The following PIP5K1B variants were observed in gnomAD, a reference collection of about 807,000 sequenced individuals.
PIP5K1B encodes phosphatidylinositol 4-phosphate 5-kinase type-1 beta.
In PIP5K1B, 42 loss-of-function variants were observed where a neutral mutation model predicts 67.0. That is an observed-to-expected ratio of 0.63 (90% CI 0.49 to 0.81). The LOEUF is 0.81. Among genes scored for constraint, PIP5K1B ranks in the 30% least tolerant of loss-of-function variants. The pLI is 0.00. For missense variants in PIP5K1B, 459 were observed against 646.3 expected, an observed-to-expected ratio of 0.71 and a Z score of 3.14; for synonymous variants, 214 against 231.4, an observed-to-expected ratio of 0.92 and a Z score of 0.68.
At chr9:68,718,009 G>C (rs1048026773) in intron 1 of PIP5K1B, among the ~76,000 whole-genome samples, 21 of 152,186 alleles carry the variant, frequency 1.4e-4, no homozygotes, top group African/African-American at 4.3e-4. Context: ...TAGAAAGCAT[G>C]AGTGCAATCT....
At chr9:68,845,460 G>A (rs535359025) in intron 4 of PIP5K1B, among the ~76,000 whole-genome samples, 69 of 152,238 alleles carry the variant, frequency 4.5e-4, no homozygotes, top group African/African-American at 1.5e-3. Flanking sequence ...CATCTCTTCC[G>A]AAGACCTTAG....
At chr9:68,819,465 T>G (rs2152651) in intron 3 of PIP5K1B, among the ~76,000 whole-genome samples, 110,811 of 151,888 alleles carry the variant, frequency 0.73, 40,769 homozygotes, top group Admixed American at 0.81. Flanking sequence ...TAGAGATGAG[T>G]TCTCACTGTT....
intron 1 of PIP5K1B, among the ~76,000 whole-genome samples, chr9:68,707,107 G>C (rs1827161553): frequency 6.6e-6 from 1 of 152,148 alleles, no homozygotes; most frequent in Non-Finnish European, 1.5e-5. Context: ...TGTGATCTCT[G>C]AGCGGAGGGA....
At chr9:68,763,815 A>G (rs141277471) in intron 2 of PIP5K1B, among the ~76,000 whole-genome samples, 1 of 152,090 alleles carries the variant, frequency 6.6e-6, no homozygotes, top group Non-Finnish European at 1.5e-5. Flanking sequence ...TTTCCTTCCT[A>G]TGAATTGGTA....
At chr9:68,875,222 C>T (rs552299104) in intron 5 of PIP5K1B, among the ~76,000 whole-genome samples, 1 of 136,036 alleles carries the variant, frequency 7.4e-6, no homozygotes, top group Non-Finnish European at 1.5e-5. Context: ...TAATCCTAGC[C>T]TTTCAAGATA....
intron 13 of PIP5K1B, chr9:68,935,792 G>A (rs1237891986): frequency 6.6e-6 from 1 of 152,146 alleles, no homozygotes; most frequent in Admixed American, 6.6e-5. Context: ...TAATACTCAG[G>A]AGGTACTACA....
intron 1 of PIP5K1B, among the ~76,000 whole-genome samples, chr9:68,734,278 G>C (rs1828616226): frequency 6.6e-6 from 1 of 152,168 alleles, no homozygotes; most frequent in Non-Finnish European, 1.5e-5. Context: ...GTGTTGTTGA[G>C]GAAATACGCA....
chr9:68,961,994 T>C (rs1828774814), intron 14 of PIP5K1B, among the ~76,000 whole-genome samples: 1 of 152,226 alleles, frequency 6.6e-6, no homozygotes. Context: ...CCAATGCTTC[T>C]AATTCTTCAG....
chr9:68,732,351 T>C (rs1309559574), intron 1 of PIP5K1B, among the ~76,000 whole-genome samples: 1 of 152,184 alleles, frequency 6.6e-6, no homozygotes, highest in Non-Finnish European at 1.5e-5. Flanking sequence ...ACATGGATCT[T>C]TTTTGTTGTT....
At chr9:68,916,449 A>G (rs1484141345) in intron 8 of PIP5K1B, among the ~76,000 whole-genome samples, 1 of 152,142 alleles carries the variant, frequency 6.6e-6, no homozygotes. Context: ...GTCTGGCTGC[A>G]TCCAACTATT....
chr9:68,837,804 C>T (rs986575308), intron 4 of PIP5K1B, among the ~76,000 whole-genome samples: 3 of 151,500 alleles, frequency 2.0e-5, no homozygotes, highest in Non-Finnish European at 2.9e-5. Flanking sequence ...TACATTTTTT[C>T]CCTCTAATTG....
intron 8 of PIP5K1B, among the ~76,000 whole-genome samples, chr9:68,901,718 A>G (rs1564217685): frequency 1.3e-5 from 2 of 152,242 alleles, no homozygotes; most frequent in African/African-American, 4.8e-5. Flanking sequence ...GAACAAATAA[A>G]ACCAACTCAT....
intron 9 of PIP5K1B, among the ~76,000 whole-genome samples, chr9:68,918,779 C>A (rs1242017067): frequency 1.3e-5 from 2 of 152,138 alleles, no homozygotes; most frequent in Admixed American, 1.3e-4. Flanking sequence ...TTGAAAAGTT[C>A]TTTCTTGCAA....
intron 4 of PIP5K1B, among the ~76,000 whole-genome samples, chr9:68,824,959 C>T (rs1229465544): frequency 6.6e-6 from 1 of 152,112 alleles, no homozygotes; most frequent in African/African-American, 2.4e-5. Flanking sequence ...TGTCAGAAAA[C>T]AGGACATAAG....
At chr9:68,760,407 G>A (rs1006114460) in intron 2 of PIP5K1B, among the ~76,000 whole-genome samples, 1 of 152,174 alleles carries the variant, frequency 6.6e-6, no homozygotes, top group Non-Finnish European at 1.5e-5. Context: ...GAAATGCAAT[G>A]GAGGTGGACA....
At chr9:68,885,609 C>T (rs1198883211) in intron 6 of PIP5K1B, among the ~76,000 whole-genome samples, 1 of 151,338 alleles carries the variant, frequency 6.6e-6, no homozygotes, top group East Asian at 2.0e-4. Context: ...TGCATGTTCT[C>T]ACTTCTAAGT....
chr9:68,825,402 G>T (rs1833930082), intron 4 of PIP5K1B, among the ~76,000 whole-genome samples: 1 of 152,190 alleles, frequency 6.6e-6, no homozygotes. Context: ...GCCCTGGGTA[G>T]CTTACCATGT....
intron 7 of PIP5K1B, among the ~76,000 whole-genome samples, chr9:68,890,620 G>A (rs1392374871): frequency 6.6e-6 from 1 of 150,394 alleles, no homozygotes; most frequent in African/African-American, 2.4e-5. Flanking sequence ...AATCTTAGTG[G>A]CATGCAGGCA....
chr9:68,811,459 A>T (rs1040719991), intron 2 of PIP5K1B, among the ~76,000 whole-genome samples: 2 of 152,106 alleles, frequency 1.3e-5, no homozygotes, highest in Admixed American at 1.3e-4. Context: ...GTAGATGAGA[A>T]AAACCAGGAT....
Sources: gnomAD v4.1 joint callset for allele counts (sites outside exome capture counted in the v4.1 genomes callset) on GRCh38, gnomAD v4.1.1 for gene constraint, MANE v1.5 for transcripts, NCBI Gene and HGNC (gene_info 2026-07-23, HGNC 2026-07-21) for gene names.